Variants in NINJ2 observed in about 807,000 individuals in gnomAD.
The protein encoded by NINJ2 is ninjurin 2, also known as ninjurin-2.
In NINJ2, 12 loss-of-function variants were observed where a neutral mutation model predicts 11.7. That is an observed-to-expected ratio of 1.02 (90% confidence interval 0.66 to 1.66). The LOEUF (loss-of-function observed/expected upper bound fraction) is 1.66. Among genes scored for constraint, NINJ2 ranks in the 40% most tolerant of loss-of-function variants. The pLI is 0.00. For synonymous variants in NINJ2, 93 were observed against 76.8 expected, an observed-to-expected ratio of 1.21 and a Z score of -1.10; for missense variants, 187 against 181.8, an observed-to-expected ratio of 1.03 and a Z score of -0.16.
At chr12:594,972 T>G (rs1947762481) in intron 1 of NINJ2, among the ~76,000 whole-genome samples, 1 of 152,170 alleles carries the variant, frequency 6.6e-6, no homozygotes, top group African/African-American at 2.4e-5. Context: ...TGTGATATTA[T>G]CAAAAGGATA....
Position 565,341 on chromosome 12 carries a change from G to T in NINJ2, c.323C>A (p.Ala108Asp), listed in dbSNP as rs1285355629. Reference sequence around the variant, plus strand: ...CACAGTGAAGAAGACCAAGATGGTGGCTGCGTTGTTGAGCTGGTTGAGTCG... The same window carrying T: ...CACAGTGAAGAAGACCAAGATGGTGTCTGCGTTGTTGAGCTGGTTGAGTCG... ...QWRLNQLNNAATILVFFTVVI... is the reference protein window; with the variant it reads ...QWRLNQLNNADTILVFFTVVI... The change falls in exon 3 of 4, where the codon GCC becomes GAC. Residue 108 changes from alanine to aspartate, a missense_variant. Transcript: ENST00000305108. 6.2e-7 allele frequency: 1 copy of T among 1,614,248 alleles called. No individual in the cohort carries two copies. The highest frequency in any genetic ancestry group is 1.1e-5 in the South Asian group (1 of 91,082).
intron 1 of NINJ2, among the ~76,000 whole-genome samples, chr12:655,653 C>G (rs1369684772): frequency 6.6e-6 from 1 of 152,210 alleles, no homozygotes; most frequent in Non-Finnish European, 1.5e-5. Context: ...TGGCTCACGT[C>G]TGTAATCTCA....
chr12:578,515 G>C (rs554451037), intron 1 of NINJ2, among the ~76,000 whole-genome samples: 1 of 152,004 alleles, frequency 6.6e-6, no homozygotes, highest in Non-Finnish European at 1.5e-5. Flanking sequence ...ATGTGGTCTC[G>C]CTATGTTGCC....
chr12:606,952 G>A (rs1254712164), intron 1 of NINJ2, among the ~76,000 whole-genome samples: 1 of 152,174 alleles, frequency 6.6e-6, no homozygotes, highest in African/African-American at 2.4e-5. Flanking sequence ...AGACCAAGAG[G>A]TTCCTCCTGG....
At position 649,549 on chromosome 12, in the gene NINJ2, A is replaced by ATATG. The variant is rs1240100354; in HGVS notation, c.33+13778_33+13779insCATA. Among the ~76,000 whole-genome samples, 6 of 147,804 alleles carry ATATG rather than the reference A, an allele frequency of 4.1e-5. No individual in the cohort carries two copies. In the South Asian group the frequency reaches 1.1e-3, roughly 26 times the overall value. On this transcript the variant is annotated intron_variant, in intron 1 of 3. Transcript: ENST00000305108. Reference sequence around the variant, plus strand: ...TATATGTGTATATATATATATATATATATAGTAGCCCATGAAATCTACTCA... The same window carrying ATATG: ...TATATGTGTATATATATATATATATATATGTATAGTAGCCCATGAAATCTACTCA...
chr12:623,693 C>T (rs75632426), intron 1 of NINJ2, among the ~76,000 whole-genome samples: 11,303 of 152,266 alleles, frequency 0.074, 558 homozygotes, highest in Middle Eastern at 0.12. Flanking sequence ...CCACAATTTG[C>T]ACCAGGCAAG....
At chr12:617,159 A>G (rs1565637072) in intron 1 of NINJ2, among the ~76,000 whole-genome samples, 1 of 152,018 alleles carries the variant, frequency 6.6e-6, no homozygotes, top group Non-Finnish European at 1.5e-5. Context: ...TGAGCTGATC[A>G]CTCCATTGCA....
rs1011585551 is a variant in NINJ2 at position 618,710 on chromosome 12, G to A, written c.33+44618C>T. Among the ~76,000 whole-genome samples, 4 of 152,318 alleles carry A rather than the reference G, an allele frequency of 2.6e-5. No homozygotes were observed. In the East Asian group the frequency reaches 7.7e-4, roughly 29 times the overall value. On this transcript the variant is annotated intron_variant, in intron 1 of 3. Coordinates refer to ENST00000305108, the MANE Select transcript of NINJ2 (RefSeq NM_016533.6). ...ATCAGGAGCCGAATTGCCTCTTATC[G>A]CAGAAGTTCTGTCTCCATCTGCAGG...
intron 1 of NINJ2, among the ~76,000 whole-genome samples, chr12:590,389 T>C (rs1034941982): frequency 6.6e-6 from 1 of 152,192 alleles, no homozygotes; most frequent in African/African-American, 2.4e-5. Context: ...AGCGATTGGA[T>C]GCTGAGGGTG....
At chr12:605,615 AGTC>A (rs1002347655) in intron 1 of NINJ2, among the ~76,000 whole-genome samples, 1 of 152,236 alleles carries the variant, frequency 6.6e-6, no homozygotes, top group Non-Finnish European at 1.5e-5. Flanking sequence ...TGACATCTGG[AGTC>A]CACTCAGCAA....
chr12:630,509 G>C (rs1290314671), intron 1 of NINJ2, among the ~76,000 whole-genome samples: 2 of 152,088 alleles, frequency 1.3e-5, no homozygotes, highest in Non-Finnish European at 2.9e-5. Flanking sequence ...CGAGTAGCTG[G>C]GACTGCAGGC....
At chr12:656,091 G>T (rs185264122) in intron 1 of NINJ2, among the ~76,000 whole-genome samples, 5 of 152,032 alleles carry the variant, frequency 3.3e-5, no homozygotes, top group African/African-American at 1.2e-4. Flanking sequence ...CCCGCAGGGC[G>T]TAGTGGCTCG....
intron 1 of NINJ2, among the ~76,000 whole-genome samples, chr12:658,884 G>T (rs956309032): frequency 1.3e-5 from 2 of 151,854 alleles, no homozygotes; most frequent in Non-Finnish European, 2.9e-5. Context: ...AAAAAACAAT[G>T]TACCATTTTG....
chr12:607,363 TG>T, intron 1 of NINJ2, among the ~76,000 whole-genome samples: 1 of 152,026 alleles, frequency 6.6e-6, no homozygotes, highest in East Asian at 1.9e-4. Flanking sequence ...ATGATGATGA[TG>T]ATGATGATGA....
At chr12:582,881 G>A (rs1219018309) in intron 1 of NINJ2, among the ~76,000 whole-genome samples, 1 of 46,324 alleles carries the variant, frequency 2.2e-5, no homozygotes, top group African/African-American at 1.2e-4. Flanking sequence ...ATGAATGGGC[G>A]CAGGCAGGCA....
intron 1 of NINJ2, among the ~76,000 whole-genome samples, chr12:626,639 T>C (rs2120405999): frequency 6.6e-6 from 1 of 152,300 alleles, no homozygotes; most frequent in South Asian, 2.1e-4. Flanking sequence ...GTTAAGGGTA[T>C]AAACAATGGA....
chr12:620,113 T>C (rs1244831938), intron 1 of NINJ2, among the ~76,000 whole-genome samples: 1 of 152,202 alleles, frequency 6.6e-6, no homozygotes, highest in Non-Finnish European at 1.5e-5. Flanking sequence ...TTTCATCCCT[T>C]TGGACACCTC....
chr12:585,912 G>T lies in NINJ2; in HGVS notation c.34-19734C>A, dbSNP rs1722625657. ...GTGGATCTCAGGGCCATCTCAGCTG[G>T]CTCCAGACAGACAAGAAGACTCCTT... On this transcript the variant is annotated intron_variant, in intron 1 of 3. Transcript: ENST00000305108. This position sits in a 1 kb window ranked among gnomAD's most constrained non-coding sequence, Gnocchi z 4.1. 1 of 152,112 alleles carries T rather than the reference G, an allele frequency of 6.6e-6. No homozygotes were observed. Among genetic ancestry groups the T allele is most frequent in the South Asian group, 2.1e-4 (1 of 4,830 alleles). The allele number at this position is 152,112 out of a possible 1,614,324, so 9.4% of individuals were successfully genotyped here.
chr12:663,287 A>C (rs772123833), intron 1 of NINJ2, 41 bp downstream of exon 1: 2 of 1,581,078 alleles, frequency 1.3e-6, no homozygotes, highest in Non-Finnish European at 1.7e-6. Context: ...CTTCACCTCT[A>C]CTCCCGGTCT....
Sources: allele counts gnomAD v4.1 joint callset (sites outside exome capture counted in the v4.1 genomes callset), GRCh38; gene constraint gnomAD v4.1.1; non-coding constraint Gnocchi (gnomAD v3.1); transcripts MANE v1.5; gene names NCBI Gene and HGNC (gene_info 2026-07-23, HGNC 2026-07-21).